Variants in CHL1 observed in about 807,000 individuals in gnomAD.
CHL1 encodes cell adhesion molecule L1 like.
CHL1 carries 96 observed loss-of-function variants against 141.9 expected under a neutral mutation model. That is an observed-to-expected ratio of 0.68 (90% CI 0.57 to 0.80). The LOEUF is 0.80. CHL1 is among the 30% of genes least tolerant of loss of function. The probability of loss-of-function intolerance (pLI) is 0.00; values close to 1 mark genes in which losing one functional copy is unlikely to be tolerated. For missense variants in CHL1, 1,820 were observed against 1,457.2 expected, an observed-to-expected ratio of 1.25 and a Z score of -4.05; for synonymous variants, 613 against 502.2, an observed-to-expected ratio of 1.22 and a Z score of -2.95.
chr3:348,658 T>C (rs1037116426), intron 9 of CHL1, among the ~76,000 whole-genome samples: 24 of 152,218 alleles, frequency 1.6e-4, no homozygotes, highest in Non-Finnish European at 3.1e-4. Context: ...TTGTTTTGTC[T>C]TTACTTTCCT....
chr3:344,684 C>T lies in CHL1; in HGVS notation c.823C>T (p.Leu275=). ...SITILKGEIL[L]LECFAEGLPT... is the part of the protein sequence containing the mutation. ...TACCATCCTCAAAGGGGAAATCTTG[C>T]TGCTTGAGTGTTTTGCTGAAGGCTT... Residue 275 remains leucine, a synonymous_variant, in exon 9 of 28, where the codon CTG becomes TTG. Transcript: ENST00000256509. The T allele has an allele frequency of 6.2e-7, 1 of 1,613,698 alleles. No individual in the cohort carries two copies. Among genetic ancestry groups the T allele is most frequent in the Non-Finnish European group, 8.5e-7 (1 of 1,179,802 alleles).
chr3:322,616 C>A (rs1401814080), intron 3 of CHL1, among the ~76,000 whole-genome samples: 1 of 137,838 alleles, frequency 7.3e-6, no homozygotes. Flanking sequence ...TGTAATGAGA[C>A]CTCATCTCTA....
Position 390,828 on chromosome 3 carries a change from C to A in CHL1, c.2586+12C>A. The A allele has an allele frequency of 1.9e-6, 3 of 1,548,508 alleles. No individual in the cohort carries two copies. Among genetic ancestry groups the A allele is most frequent in the African/African-American group, 1.4e-5 (1 of 72,784 alleles). On this transcript the variant is annotated intron_variant, in intron 21 of 27. Transcript: ENST00000256509. ...TGAAAGGCTATCAGGTTTTTATCAT[C>A]ATGGTTTTTCCTCTTCTTGTTGAAT...
At chr3:205,317 T>C (rs1699327887) in intron 1 of CHL1, among the ~76,000 whole-genome samples, 1 of 152,150 alleles carries the variant, frequency 6.6e-6, no homozygotes, top group Non-Finnish European at 1.5e-5. Context: ...TTTCACTATG[T>C]TGTCCAGGCT....
intron 9 of CHL1, among the ~76,000 whole-genome samples, chr3:345,783 C>T (rs1702722041): frequency 6.6e-6 from 1 of 152,278 alleles, no homozygotes; most frequent in African/African-American, 2.4e-5. Flanking sequence ...GGGCCCAGCC[C>T]GCAATGCACC....
chr3:289,081 G>A (rs17275057), intron 2 of CHL1, among the ~76,000 whole-genome samples: 7,395 of 152,150 alleles, frequency 0.049, 242 homozygotes, highest in Non-Finnish European at 0.073. Context: ...TAGAAGCCTA[G>A]AACTCAAGAG....
chr3:337,209 G>A (rs897262038), intron 5 of CHL1, among the ~76,000 whole-genome samples: 2 of 61,034 alleles, frequency 3.3e-5, no homozygotes, highest in African/African-American at 1.2e-4. Flanking sequence ...TTTTTTTTTT[G>A]AGACGGGGTC....
Position 287,923 on chromosome 3 carries a change from G to A in CHL1, c.-94-31760G>A, listed in dbSNP as rs1040634299. Among the ~76,000 whole-genome samples, 4 of 141,800 alleles carry A rather than the reference G, an allele frequency of 2.8e-5. No homozygotes were observed. In the South Asian group the frequency reaches 9.5e-4, roughly 34 times the overall value. 93.0% of individuals were successfully genotyped at this position (141,800 alleles called of 152,430 possible). A position where few individuals can be genotyped will look rare whatever the true frequency, so the allele number is the denominator to read the frequency against. ...TGGGACTACAGGCGTGCGCCATCAC[G>A]CCAGGCTAAGTTTTTTGTATTTTTA... On this transcript the variant is annotated intron_variant, in intron 2 of 27. Transcript: ENST00000256509.
intron 2 of CHL1, among the ~76,000 whole-genome samples, chr3:255,845 G>A (rs950057279): frequency 6.6e-6 from 1 of 152,134 alleles, no homozygotes; most frequent in Non-Finnish European, 1.5e-5. Flanking sequence ...TTTGTTTGTC[G>A]TGGTAGTTGC....
At chr3:234,578 T>C (rs1691758934) in intron 1 of CHL1, among the ~76,000 whole-genome samples, 1 of 152,110 alleles carries the variant, frequency 6.6e-6, no homozygotes, top group Non-Finnish European at 1.5e-5. Context: ...CTTGGTTTGC[T>C]TTGGGAGAGG....
At chr3:361,469 T>C (rs1403332269) in intron 12 of CHL1, among the ~76,000 whole-genome samples, 1 of 151,324 alleles carries the variant, frequency 6.6e-6, no homozygotes, top group Non-Finnish European at 1.5e-5. Context: ...TGCAACCTAC[T>C]CATCTGACAA....
chr3:358,674 C>G (rs9823348), intron 11 of CHL1, among the ~76,000 whole-genome samples: 90,607 of 151,780 alleles, frequency 0.6, 27,833 homozygotes, highest in Middle Eastern at 0.74. Context: ...ACCTCACACT[C>G]AGGTCCTGCC....
At chr3:337,421 G>T (rs1220642245) in intron 5 of CHL1, among the ~76,000 whole-genome samples, 1 of 151,748 alleles carries the variant, frequency 6.6e-6, no homozygotes, top group African/African-American at 2.4e-5. Flanking sequence ...CAATGTGCAG[G>T]TTAGTTACAT....
intron 19 of CHL1, among the ~76,000 whole-genome samples, chr3:387,196 C>A (rs1707809149): frequency 6.6e-6 from 1 of 152,178 alleles, no homozygotes; most frequent in South Asian, 2.1e-4. Context: ...AAAAGTCATA[C>A]TAACAATATC....
Position 319,827 on chromosome 3 carries a change from C to T in CHL1, c.51C>T (p.Leu17=). The T allele has an allele frequency of 1.2e-6, 2 of 1,607,360 alleles. No individual in the cohort carries two copies. Among genetic ancestry groups the T allele is most frequent in the Non-Finnish European group, 1.7e-6 (2 of 1,175,774 alleles). ...GRGLIVYLMF[L]LLKFSKAIEI... ...GACTAATCGTATATCTAATGTTCCT[C>T]CTGTTAAAATTCTCAAAAGCAATTG... The change falls in exon 3 of 28, where the codon CTC becomes CTT. Residue 17 remains leucine, a synonymous_variant. Transcript: ENST00000256509.
chr3:343,095 A>AT, intron 8 of CHL1, 64 bp downstream of exon 8: 1 of 1,318,848 alleles, frequency 7.6e-7, no homozygotes, highest in Non-Finnish European at 1.0e-6. Flanking sequence ...CAGATTTTGA[A>AT]TTTTTTCTTT....
chr3:249,491 T>C (rs968734133), intron 2 of CHL1, among the ~76,000 whole-genome samples: 1 of 152,170 alleles, frequency 6.6e-6, no homozygotes, highest in African/African-American at 2.4e-5. Flanking sequence ...GCATGCATTA[T>C]TAGAAAAATG....
intron 2 of CHL1, among the ~76,000 whole-genome samples, chr3:287,142 G>A (rs149889997): frequency 6.6e-6 from 1 of 152,048 alleles, no homozygotes; most frequent in African/African-American, 2.4e-5. Flanking sequence ...TGGTTCAAAC[G>A]CCTCTGACAT....
intron 1 of CHL1, among the ~76,000 whole-genome samples, chr3:222,690 C>T (rs1046510023): frequency 3.3e-5 from 5 of 152,096 alleles, no homozygotes; most frequent in Non-Finnish European, 5.9e-5. Context: ...CATTCTTTCA[C>T]TCCTGTCTTG....
Sources: allele counts gnomAD v4.1 joint callset (sites outside exome capture counted in the v4.1 genomes callset), GRCh38; gene constraint gnomAD v4.1.1; transcripts MANE v1.5; gene names NCBI Gene and HGNC (gene_info 2026-07-23, HGNC 2026-07-21).